LMNTD1: variants seen among roughly 807,000 people sequenced by gnomAD.
The protein encoded by LMNTD1 is lamin tail domain containing 1.
In LMNTD1, 35 loss-of-function variants were observed where a neutral mutation model predicts 50.9. The ratio of observed to expected loss-of-function variants is 0.69; its 90% confidence interval spans 0.53 to 0.91. LMNTD1 has a LOEUF of 0.91. Among genes scored for constraint, LMNTD1 ranks in the 40% least tolerant of loss-of-function variants. The probability of loss-of-function intolerance (pLI) is 0.00; values close to 1 mark genes in which losing one functional copy is unlikely to be tolerated. For missense variants in LMNTD1, 470 were observed against 475.5 expected (o/e 0.99, Z 0.11); for synonymous variants, 153 against 161.9 (o/e 0.94, Z 0.42).
chr12:25,606,805 T>C lies in LMNTD1; in HGVS notation c.58+41689A>G, dbSNP rs1457663025. 2.6e-5 allele frequency among the ~76,000 whole-genome samples: 4 copies of C among 152,306 alleles called. No homozygotes were observed. The East Asian group carries it at 7.7e-4, about 29-fold the overall frequency. ...GGTCTAAAATTCTCTTTTTTTGTTG[T>C]GTCTCTGCCAGGCTTTGGTATCAGG... is the stretch of plus-strand genomic sequence containing the variant. On this transcript the variant is annotated intron_variant, in intron 1 of 7. Transcript: ENST00000445693.
At chr12:25,558,477 T>C (rs1407957061) in intron 1 of LMNTD1, among the ~76,000 whole-genome samples, 1 of 152,242 alleles carries the variant, frequency 6.6e-6, no homozygotes, top group Non-Finnish European at 1.5e-5. Context: ...GTTTCCATTA[T>C]TTGTTTCAAG....
chr12:25,520,390 T>C (rs996488924), intron 6 of LMNTD1, among the ~76,000 whole-genome samples: 1 of 152,032 alleles, frequency 6.6e-6, no homozygotes. Flanking sequence ...TTTCCTCCCC[T>C]GCTCCCATCC....
intron 8 of LMNTD1, among the ~76,000 whole-genome samples, chr12:25,509,688 C>T (rs1703911894): frequency 6.6e-6 from 1 of 151,986 alleles, no homozygotes; most frequent in South Asian, 2.1e-4. Context: ...AAGATGAGGT[C>T]CTGGTGGATT....
intron 1 of LMNTD1, among the ~76,000 whole-genome samples, chr12:25,638,946 G>A (rs1288882131): frequency 3.9e-5 from 6 of 152,154 alleles, no homozygotes; most frequent in South Asian, 2.1e-4. Context: ...AATGAAATGT[G>A]GTCCTCTGGC....
At chr12:25,617,275 A>G (rs1198691738) in intron 1 of LMNTD1, among the ~76,000 whole-genome samples, 1 of 152,216 alleles carries the variant, frequency 6.6e-6, no homozygotes, top group South Asian at 2.1e-4. Context: ...GGTAGTGCCT[A>G]GGTAACAGGT....
chr12:25,602,760 A>C (rs1451347264), intron 1 of LMNTD1, among the ~76,000 whole-genome samples: 5 of 152,026 alleles, frequency 3.3e-5, no homozygotes, highest in Non-Finnish European at 7.4e-5. Context: ...TGCTAATTTC[A>C]GTCAATAGAG....
chr12:25,529,933 T>C (rs2136111158), intron 4 of LMNTD1, among the ~76,000 whole-genome samples: 1 of 152,308 alleles, frequency 6.6e-6, no homozygotes, highest in Admixed American at 6.5e-5. Flanking sequence ...GCATGATTCA[T>C]GCTGCTGCAG....
intron 1 of LMNTD1, among the ~76,000 whole-genome samples, chr12:25,615,565 G>A (rs1368706447): frequency 1.3e-5 from 2 of 151,860 alleles, no homozygotes; most frequent in Non-Finnish European, 1.5e-5. Flanking sequence ...AGACTGAAGC[G>A]ATCCTCCTGC....
chr12:25,519,973 T>A lies in LMNTD1; in HGVS notation c.901A>T (p.Lys301Ter). ...GATGCTGTCCACTGAAACACACGCT[T>A]TCGGAATGTTGGAGATACTACTGAA... is the stretch of plus-strand genomic sequence containing the variant. ...RCSVVSPTFR[K>*]RVFQWTASTA... is the part of the protein sequence containing the mutation. Residue 301 changes from lysine (K) to a stop codon, truncating the protein, a stop_gained, in exon 7 of 10, where the codon AAG (lysine) becomes TAG (stop). Coordinates refer to ENST00000458174, the MANE Select transcript of LMNTD1 (RefSeq NM_001145728.2). LOFTEE classifies it high-confidence loss of function. 6.2e-7 allele frequency: 1 copy of A among 1,613,462 alleles called. No individual in the cohort carries two copies.
chr12:25,583,342 A>AC (rs1945387547), intron 1 of LMNTD1, among the ~76,000 whole-genome samples: 1 of 59,868 alleles, frequency 1.7e-5, no homozygotes, highest in Non-Finnish European at 5.8e-5. Context: ...TGTTTTTAAA[A>AC]AATTTTAGTA....
At chr12:25,624,193 T>TGCAAGATGAAC (rs11271856) in intron 1 of LMNTD1, among the ~76,000 whole-genome samples, 109,177 of 151,614 alleles carry the variant, frequency 0.72, 39,605 homozygotes, top group Non-Finnish European at 0.75. Flanking sequence ...TCAATAGGGA[T>TGCAAGATGAAC]TGTTCTCAAA....
chr12:25,637,321 A>G (rs756655616), intron 1 of LMNTD1, among the ~76,000 whole-genome samples: 1 of 152,156 alleles, frequency 6.6e-6, no homozygotes, highest in African/African-American at 2.4e-5. Context: ...GTCATTATAA[A>G]TATGTTCAAA....
rs577189051 is a variant in LMNTD1 at position 25,577,692 on chromosome 12, T to C, written c.59-31138A>G. Among the ~76,000 whole-genome samples the C allele has an allele frequency of 1.1e-4, 17 of 152,336 alleles. No individual in the cohort carries two copies. The South Asian group carries it at 3.5e-3, about 32-fold the overall frequency. Reference sequence around the variant, plus strand: ...CACTTTATTTCTTTCTCCTGCCTGATTGCCCTAGCCAGAACTTCCAACACT... The same window carrying C: ...CACTTTATTTCTTTCTCCTGCCTGACTGCCCTAGCCAGAACTTCCAACACT... On this transcript the variant is annotated intron_variant, in intron 1 of 7. Transcript: ENST00000445693.
intron 2 of LMNTD1, among the ~76,000 whole-genome samples, chr12:25,551,676 G>A (rs1054152528): frequency 6.6e-6 from 1 of 152,192 alleles, no homozygotes; most frequent in African/African-American, 2.4e-5. Context: ...ACAGGCATGA[G>A]CCACTATGCC....
At chr12:25,625,635 CT>C (rs1358703901) in intron 1 of LMNTD1, among the ~76,000 whole-genome samples, 2 of 152,328 alleles carry the variant, frequency 1.3e-5, no homozygotes, top group Middle Eastern at 3.4e-3. Context: ...TAAGCTAGTT[CT>C]TTTCAGACTC....
intron 1 of LMNTD1, among the ~76,000 whole-genome samples, chr12:25,559,495 G>T (rs146071334): frequency 2.6e-5 from 4 of 152,094 alleles, no homozygotes; most frequent in Non-Finnish European, 4.4e-5. Context: ...GAATAATGCC[G>T]CAATAAACAT....
intron 1 of LMNTD1, among the ~76,000 whole-genome samples, chr12:25,608,787 C>T (rs530238037): frequency 1.3e-4 from 20 of 152,282 alleles, no homozygotes; most frequent in African/African-American, 4.6e-4. Context: ...GTGAATCTAA[C>T]AATTATGTGT....
chr12:25,631,075 C>A (rs1446011379), intron 1 of LMNTD1, among the ~76,000 whole-genome samples: 11 of 152,142 alleles, frequency 7.2e-5, no homozygotes, highest in Admixed American at 7.2e-4. Context: ...ACAGAGGCAG[C>A]CATAATCCGC....
At chr12:25,617,692 C>T (rs1189157890) in intron 1 of LMNTD1, among the ~76,000 whole-genome samples, 5 of 152,172 alleles carry the variant, frequency 3.3e-5, no homozygotes, top group African/African-American at 7.2e-5. Flanking sequence ...TTCAAAAGTT[C>T]ACCACGCTTA....
Sources: gnomAD v4.1 joint callset for allele counts (sites outside exome capture counted in the v4.1 genomes callset) on GRCh38, gnomAD v4.1.1 for gene constraint, MANE v1.5 for transcripts, NCBI Gene and HGNC (gene_info 2026-07-23, HGNC 2026-07-21) for gene names.